Variants in PKD2 observed in about 807,000 individuals in gnomAD.
The protein encoded by PKD2 is polycystin 2, transient receptor potential cation channel, also known as polycystin-2.
In PKD2, 48 loss-of-function variants were observed where a neutral mutation model predicts 105.9. The ratio of observed to expected loss-of-function variants is 0.45; its 90% CI spans 0.36 to 0.58. The LOEUF is 0.58. Among genes scored for constraint, PKD2 ranks in the 20% least tolerant of loss-of-function variants. PKD2 has a pLI of 0.00. For synonymous variants in PKD2, 464 were observed against 481.1 expected, an observed-to-expected ratio of 0.96 and a Z score of 0.46; for missense variants, 1,078 against 1,255.3, an observed-to-expected ratio of 0.86 and a Z score of 2.13.
intron 2 of PKD2, among the ~76,000 whole-genome samples, chr4:88,032,701 C>CAA (rs1727206161): frequency 6.6e-6 from 1 of 152,118 alleles, no homozygotes; most frequent in Non-Finnish European, 1.5e-5. Flanking sequence ...TGCTACCTTC[C>CAA]AAGTGGGCTT....
chr4:88,076,777 G>A lies in PKD2; in HGVS notation c.*1083G>A, dbSNP rs1721247806. 1 of 152,134 alleles carries A rather than the reference G, an allele frequency of 6.6e-6. No individual in the cohort carries two copies. Among genetic ancestry groups the A allele is most frequent in the Admixed American group, 6.5e-5 (1 of 15,274 alleles). 9.4% of individuals were successfully genotyped at this position (152,134 alleles called of 1,614,324 possible). Reference sequence around the variant, plus strand: ...GAAACAGGCGAATCACTTGAGCCCAGGAGTTCAAGACCAACATGGGCAATG... The same window carrying A: ...GAAACAGGCGAATCACTTGAGCCCAAGAGTTCAAGACCAACATGGGCAATG... On this transcript the variant is annotated 3_prime_UTR_variant, in exon 15 of 15. Coordinates refer to ENST00000237596, the MANE Select transcript of PKD2 (RefSeq NM_000297.4).
chr4:88,042,043 G>A (rs1207243424), intron 4 of PKD2, among the ~76,000 whole-genome samples: 3 of 152,146 alleles, frequency 2.0e-5, no homozygotes, highest in Admixed American at 1.3e-4. Flanking sequence ...CTTTCAATCT[G>A]CCATTCTTTA....
At chr4:88,066,079 T>G (rs909336941) in intron 12 of PKD2, among the ~76,000 whole-genome samples, 200 bp downstream of exon 12, 1 of 152,194 alleles carries the variant, frequency 6.6e-6, no homozygotes, top group Non-Finnish European at 1.5e-5. Context: ...AAATGGGTGG[T>G]TAGCATGATA....
At position 88,008,339 on chromosome 4, in the gene PKD2, G is replaced by A. The variant is rs892546343; in HGVS notation, c.595+11G>A. 1 of 1,512,166 alleles carries A rather than the reference G, an allele frequency of 6.6e-7. No individual in the cohort carries two copies. The highest frequency in any genetic ancestry group is 2.0e-5 in the Admixed American group (1 of 48,984). The allele number at this position is 1,512,166 out of a possible 1,614,324, so 93.7% of individuals were successfully genotyped here. A position where few individuals can be genotyped will look rare whatever the true frequency, so the allele number is the denominator to read the frequency against. On this transcript the variant is annotated intron_variant, in intron 1 of 14. Coordinates refer to ENST00000237596, the MANE Select transcript of PKD2 (RefSeq NM_000297.4). ...TTCGCGGGCTGCGAGGTAAGAGCGC[G>A]CGACCCGCAGCGGCAGATGCACGAA...
Position 88,075,804 on chromosome 4 carries a change from T to G in PKD2, c.*110T>G, listed in dbSNP as rs563547032. On this transcript the variant is annotated 3_prime_UTR_variant, in exon 15 of 15. Transcript: ENST00000237596. ...CTGACCACCATAGGATGCTAGTCTT[T>G]GTGACCGATTGCTAATCTTCTGCAC... is the stretch of plus-strand genomic sequence containing the variant. 3.2e-4 allele frequency: 255 copies of G among 790,884 alleles called. No homozygotes were observed. Among genetic ancestry groups the G allele is most frequent in the Non-Finnish European group, 4.7e-4 (207 of 444,186 alleles). The allele number at this position is 790,884 out of a possible 1,614,324, so 49.0% of individuals were successfully genotyped here. A position where few individuals can be genotyped will look rare whatever the true frequency, so the allele number is the denominator to read the frequency against.
At chr4:88,029,648 T>G (rs950368874) in intron 2 of PKD2, among the ~76,000 whole-genome samples, 1 of 152,250 alleles carries the variant, frequency 6.6e-6, no homozygotes, top group African/African-American at 2.4e-5. Flanking sequence ...TCCTGACTTA[T>G]TCATTCCTTA....
At chr4:88,070,564 TTTA>T (rs1720973276) in intron 13 of PKD2, among the ~76,000 whole-genome samples, 2 of 137,476 alleles carry the variant, frequency 1.5e-5, no homozygotes, top group Non-Finnish European at 3.1e-5. Context: ...TATTTATTTA[TTTA>T]TTTATTTTAT....
At chr4:88,016,301 A>G (rs374998672) in intron 1 of PKD2, among the ~76,000 whole-genome samples, 28 of 152,332 alleles carry the variant, frequency 1.8e-4, no homozygotes, top group African/African-American at 6.7e-4. Context: ...AATTGGGTCT[A>G]TACTCTCAGT....
At chr4:88,070,597 TATATAGAGAGAGAGAG>T (rs1720988563) in intron 13 of PKD2, among the ~76,000 whole-genome samples, 1 of 99,128 alleles carries the variant, frequency 1.0e-5, no homozygotes, top group South Asian at 3.3e-4. Context: ...TATATATATA[TATATAGAGAGAGAGAG>T]AGAGAGAGAG....
At chr4:88,013,746 G>A (rs537347300) in intron 1 of PKD2, among the ~76,000 whole-genome samples, 1 of 152,008 alleles carries the variant, frequency 6.6e-6, no homozygotes, top group Admixed American at 6.5e-5. Context: ...TTTACCTGGA[G>A]AGGTCAGAGA....
chr4:88,064,848 C>T (rs1042450071), intron 10 of PKD2, among the ~76,000 whole-genome samples: 5 of 152,086 alleles, frequency 3.3e-5, no homozygotes, highest in Admixed American at 6.6e-5. Flanking sequence ...GCCAGAATCA[C>T]GCCACTGCCC....
chr4:88,013,722 AAGAG>A (rs569650076), intron 1 of PKD2, among the ~76,000 whole-genome samples: 23 of 152,002 alleles, frequency 1.5e-4, no homozygotes, highest in African/African-American at 4.3e-4. Flanking sequence ...AAAAAAAAAA[AAGAG>A]AGGATCAGAT....
intron 9 of PKD2, among the ~76,000 whole-genome samples, chr4:88,059,922 G>A (rs901350903): frequency 1.1e-4 from 16 of 152,252 alleles, no homozygotes; most frequent in African/African-American, 3.6e-4. Flanking sequence ...AGAAGGCACA[G>A]TGTTAAGAAG....
intron 2 of PKD2, among the ~76,000 whole-genome samples, chr4:88,035,850 G>A (rs976343091): frequency 1.3e-5 from 2 of 152,170 alleles, no homozygotes; most frequent in East Asian, 1.9e-4. Flanking sequence ...GCTGTGTTGG[G>A]GCCTGTGCAG....
chr4:88,063,068 T>C (rs1269643774), intron 10 of PKD2, among the ~76,000 whole-genome samples: 1 of 152,220 alleles, frequency 6.6e-6, no homozygotes, highest in African/African-American at 2.4e-5. Context: ...AGTGTATAGA[T>C]CAGTTACCTG....
In PKD2 at chr4:88,020,271, A is replaced by G. The variant is rs548488715; in HGVS notation, c.709+700A>G. Among the ~76,000 whole-genome samples the G allele has an allele frequency of 6.6e-5, 10 of 152,314 alleles. No individual in the cohort carries two copies. In the South Asian group the frequency reaches 2.1e-3, roughly 32 times the overall value. ...TTCAGGAAATACAAATAATGCTACTAATATTGCTTTTATTGGCGTATACAT... is the reference window on the plus strand; with the variant it reads ...TTCAGGAAATACAAATAATGCTACTGATATTGCTTTTATTGGCGTATACAT... On this transcript the variant is annotated intron_variant, in intron 2 of 14. Coordinates refer to ENST00000237596, the MANE Select transcript of PKD2 (RefSeq NM_000297.4).
At position 88,023,901 on chromosome 4, in the gene PKD2, A is replaced by G. The variant is rs114735016; in HGVS notation, c.709+4330A>G. Among the ~76,000 whole-genome samples, 691 of 152,268 alleles carry G rather than the reference A, an allele frequency of 4.5e-3. 5 individuals are homozygous for G. Among genetic ancestry groups the G allele is most frequent in the African/African-American group, 0.016 (645 of 41,546 alleles). ...ACTGCTCACCAAGAGCTTATTTTCC[A>G]TCTTACCAATGAGGTTATGTGCCCT... On this transcript the variant is annotated intron_variant, in intron 2 of 14. Coordinates refer to ENST00000237596, the MANE Select transcript of PKD2 (RefSeq NM_000297.4).
In PKD2 at chr4:88,019,561, C is replaced by T. The variant is rs753107440; in HGVS notation, c.699C>T (p.Val233=). The change falls in exon 2 of 15, where the codon GTC becomes GTT. Residue 233 remains valine, a synonymous_variant. Coordinates refer to ENST00000237596, the MANE Select transcript of PKD2 (RefSeq NM_000297.4). ...ELVTYLLFLI[V]LCILTYGMMS... The stretch of plus-strand genomic sequence containing the variant: ...TCACATACCTCCTTTTTCTCATAGT[C>T]TTGTGCATCTGTAAGTAGAATATTT... 31 of 1,504,514 alleles carry T rather than the reference C, an allele frequency of 2.1e-5. No homozygotes were observed. The African/African-American group carries it at 4.0e-4, about 19-fold the overall frequency. The allele number at this position is 1,504,514 out of a possible 1,614,324, so 93.2% of individuals were successfully genotyped here.
At chr4:88,036,430 G>T in intron 3 of PKD2, 77 bp downstream of exon 3, 1 of 1,600,492 alleles carries the variant, frequency 6.2e-7, no homozygotes, top group Non-Finnish European at 8.5e-7. Flanking sequence ...CAATGCATGA[G>T]TATCGACAGG....
Sources: allele counts gnomAD v4.1 joint callset (sites outside exome capture counted in the v4.1 genomes callset), GRCh38; gene constraint gnomAD v4.1.1; transcripts MANE v1.5; gene names NCBI Gene and HGNC (gene_info 2026-07-23, HGNC 2026-07-21).